The following INCA1 variants were observed in gnomAD, a reference collection of about 807,000 sequenced individuals.
INCA1 encodes protein INCA1.
Under a neutral mutation model 25.7 loss-of-function variants are expected in INCA1, and 28 were observed. The observed-to-expected ratio is 1.09, with a 90% confidence interval of 0.81 to 1.49. The LOEUF is 1.49. INCA1 is among the 40% of genes most tolerant of loss of function. The probability of loss-of-function intolerance (pLI) is 0.00; values close to 1 mark genes in which losing one functional copy is unlikely to be tolerated. For missense variants in INCA1, 309 were observed against 290.9 expected (o/e 1.06, Z -0.45); for synonymous variants, 111 against 103.6 (o/e 1.07, Z -0.43).
At chr17:4,990,289 C>T (rs202205117) in intron 2 of INCA1, 24 bp from the exon 3 acceptor site, 18 of 1,602,164 alleles carry the variant, frequency 1.1e-5, no homozygotes, top group African/African-American at 4.0e-5. Context: ...AAGGTAGGCT[C>T]GGGTCTGGCT....
At chr17:4,995,592 G>A (rs1253642084) in intron 1 of INCA1, among the ~76,000 whole-genome samples, 1 of 151,936 alleles carries the variant, frequency 6.6e-6, no homozygotes, top group African/African-American at 2.4e-5. Flanking sequence ...CTCAGGAGTT[G>A]GAGACCAGCC....
chr17:4,995,953 TAAAA>T (rs1316238747), intron 1 of INCA1: 2 of 151,488 alleles, frequency 1.3e-5, no homozygotes, highest in African/African-American at 4.9e-5. Flanking sequence ...AAAAAGAAAT[TAAAA>T]AAAGTTAAGT....
At chr17:4,989,556 C>G (rs749831943) in exon 5 of INCA1, 1 of 1,614,258 alleles carries the variant, frequency 6.2e-7, no homozygotes, top group Non-Finnish European at 8.5e-7. Context: ...TCTTTCTTCT[C>G]CAAAGCATTT....
chr17:4,989,724 C>A (rs1483955858), intron 4 of INCA1, 100 bp from the exon 5 acceptor site: 1 of 1,554,964 alleles, frequency 6.4e-7, no homozygotes, highest in Non-Finnish European at 8.9e-7. Flanking sequence ...TTGGGAAGAC[C>A]CCTGTGATCT....
chr17:4,990,294 C>A, intron 2 of INCA1, 29 bp from the exon 3 acceptor site: 2 of 1,595,266 alleles, frequency 1.3e-6, no homozygotes, highest in South Asian at 2.3e-5. Flanking sequence ...AGGCTCGGGT[C>A]TGGCTCTTCC....
downstream of INCA1, chr17:4,988,189 G>T: frequency 2.1e-6 from 1 of 476,664 alleles, no homozygotes; most frequent in Non-Finnish European, 3.7e-6. Context: ...AGCGGGGCCT[G>T]GAGGAAAACA....
At chr17:4,988,656 CCT>C (rs2143146543) in intron 6 of INCA1, 102 bp from the exon 7 acceptor site, 1 of 1,569,148 alleles carries the variant, frequency 6.4e-7, no homozygotes, top group Admixed American at 1.8e-5. Flanking sequence ...CTGGTTCTCA[CCT>C]ACGTTATTTT....
chr17:4,996,189 A>G (rs1192657993), intron 1 of INCA1, among the ~76,000 whole-genome samples: 1 of 152,162 alleles, frequency 6.6e-6, no homozygotes, highest in Non-Finnish European at 1.5e-5. Context: ...GTTTGAGACC[A>G]GCCTGGGCAA....
At chr17:4,997,169 G>A (rs146336867), upstream of INCA1, 43 of 152,758 alleles carry the variant, frequency 2.8e-4, no homozygotes, top group African/African-American at 1.0e-3. Flanking sequence ...CGGGCCGGAG[G>A]GCGCGGCCTG....
At position 4,994,481 on chromosome 17, in the gene INCA1, AG is replaced by A; in HGVS notation, c.-38-7del. ...AGTTAGTCTCCTTTTTGGTGCTGGGAGGATAATGGAAAAGAAGTCATTCATT... is the reference window on the plus strand; with the variant it reads ...AGTTAGTCTCCTTTTTGGTGCTGGGAGATAATGGAAAAGAAGTCATTCATT... On this transcript the variant is annotated splice_polypyrimidine_tract_variant and splice_region_variant and intron_variant, in intron 1 of 6. Coordinates refer to ENST00000576820, the Ensembl canonical transcript of INCA1. 1 of 1,605,474 alleles carries A rather than the reference AG, an allele frequency of 6.2e-7. No individual in the cohort carries two copies.
At chr17:4,989,084 T>A in intron 5 of INCA1, 140 bp from the exon 6 acceptor site, 1 of 957,904 alleles carries the variant, frequency 1.0e-6, no homozygotes, top group Non-Finnish European at 1.5e-6. Context: ...CCACTCCCAA[T>A]TTTCTGCTCC....
chr17:4,997,420 G>T (rs1395490533), upstream of INCA1: 4 of 152,276 alleles, frequency 2.6e-5, no homozygotes, highest in Admixed American at 6.5e-5. Context: ...CGTCCAGGGC[G>T]GCCGAACTTG....
intron 4 of INCA1, 46 bp from the exon 5 acceptor site, chr17:4,989,670 C>T (rs779178293): frequency 6.2e-7 from 1 of 1,604,094 alleles, no homozygotes; most frequent in Admixed American, 1.7e-5. Flanking sequence ...AGAACTGGCT[C>T]TCTCAAGGGA....
chr17:4,996,538 C>A (rs1450520010), intron 1 of INCA1, among the ~76,000 whole-genome samples: 1 of 151,148 alleles, frequency 6.6e-6, no homozygotes, highest in Non-Finnish European at 1.5e-5. Context: ...AAAAATTAGC[C>A]GGGTGTGGTG....
At chr17:4,996,490 T>C (rs1283130558) in intron 1 of INCA1, among the ~76,000 whole-genome samples, 3 of 151,552 alleles carry the variant, frequency 2.0e-5, no homozygotes, top group Non-Finnish European at 4.4e-5. Flanking sequence ...GAGACCAGCC[T>C]GGCCAACACA....
intron 2 of INCA1, among the ~76,000 whole-genome samples, chr17:4,991,092 A>G (rs976302005): frequency 1.3e-5 from 2 of 151,250 alleles, no homozygotes; most frequent in Non-Finnish European, 2.9e-5. Context: ...CCAATTTTGT[A>G]TTTTTAGTAG....
At chr17:4,994,141 C>T (rs1429981261) in intron 2 of INCA1, among the ~76,000 whole-genome samples, 2 of 152,124 alleles carry the variant, frequency 1.3e-5, no homozygotes, top group Non-Finnish European at 2.9e-5. Context: ...TCTGTGTTCC[C>T]CTCTCTAGAA....
intron 3 of INCA1, 31 bp from the exon 4 acceptor site, chr17:4,989,960 C>G (rs201028595): frequency 1.9e-6 from 3 of 1,613,980 alleles, no homozygotes; most frequent in Non-Finnish European, 2.5e-6. Flanking sequence ...GCTATAAGTG[C>G]AGAGGGGACA....
At chr17:4,993,166 C>G (rs1260457355) in intron 2 of INCA1, among the ~76,000 whole-genome samples, 5 of 151,766 alleles carry the variant, frequency 3.3e-5, no homozygotes, top group Admixed American at 3.3e-4. Flanking sequence ...AGGTGTGAGC[C>G]ACCACGCCTG....
Sources: gnomAD v4.1 joint callset for allele counts (sites outside exome capture counted in the v4.1 genomes callset) on GRCh38, gnomAD v4.1.1 for gene constraint, MANE v1.5 for transcripts, NCBI Gene and HGNC (gene_info 2026-07-23, HGNC 2026-07-21) for gene names.